Variants in RTL4 observed in about 807,000 individuals in gnomAD.
The protein encoded by RTL4 is retrotransposon Gag-like protein 4.
Under a neutral mutation model 5.3 loss-of-function variants are expected in RTL4, and 4 were observed. That is an observed-to-expected ratio of 0.75 (90% CI 0.37 to 1.72). The LOEUF is 1.72. Ranked by LOEUF, RTL4 falls within the 40% of genes most tolerant of loss-of-function variation. The pLI is 0.04. For missense variants in RTL4, 260 were observed against 227.1 expected, an observed-to-expected ratio of 1.14 and a Z score of -0.93; for synonymous variants, 98 against 87.3, an observed-to-expected ratio of 1.12 and a Z score of -0.68.
the RTL4 span, among the ~76,000 whole-genome samples, chrX:112,153,384 G>T: frequency 5.3e-5 from 6 of 112,150 alleles, no homozygotes; most frequent in African/African-American, 1.9e-4. Context: ...ACTTTTAGCT[G>T]CCCAGAGTGA....
the RTL4 span, among the ~76,000 whole-genome samples, chrX:112,433,922 A>C: frequency 1.2e-5 from 1 of 83,691 alleles, no homozygotes; most frequent in African/African-American, 5.0e-5. Flanking sequence ...TGCCTAATTT[A>C]TTGAGAGTTT....
At chrX:112,331,530 AG>A in the RTL4 span, among the ~76,000 whole-genome samples, 1 of 104,730 alleles carries the variant, frequency 9.5e-6, no homozygotes, top group Non-Finnish European at 2.0e-5. Context: ...GAGGATGTGG[AG>A]AAATAGGAAC....
the RTL4 span, among the ~76,000 whole-genome samples, chrX:112,360,132 C>T: frequency 9.0e-6 from 1 of 111,440 alleles, no homozygotes. Flanking sequence ...TTTTAGATTT[C>T]CCATCACTTA....
chrX:112,421,316 C>A, the RTL4 span, among the ~76,000 whole-genome samples: 1 of 111,433 alleles, frequency 9.0e-6, no homozygotes, highest in African/African-American at 3.3e-5. Flanking sequence ...ATAATTTGTA[C>A]AAATGTAAGG....
the RTL4 span, among the ~76,000 whole-genome samples, chrX:112,304,516 A>C: frequency 1.8e-5 from 2 of 110,995 alleles, no homozygotes; most frequent in Admixed American, 9.6e-5. Flanking sequence ...CCCTGGTCAA[A>C]GAAATTTCCG....
the RTL4 span, among the ~76,000 whole-genome samples, chrX:112,360,517 C>A: frequency 9.0e-6 from 1 of 110,933 alleles, no homozygotes; most frequent in African/African-American, 3.3e-5. Context: ...CCTAAGAATT[C>A]TTTCAGAACA....
chrX:112,267,357 C>T, the RTL4 span, among the ~76,000 whole-genome samples: 3 of 111,946 alleles, frequency 2.7e-5, no homozygotes, highest in African/African-American at 9.7e-5. Context: ...AAACAATGAA[C>T]ACAATCAACA....
the RTL4 span, among the ~76,000 whole-genome samples, chrX:112,145,609 T>C: frequency 8.9e-6 from 1 of 111,892 alleles, no homozygotes; most frequent in Non-Finnish European, 1.9e-5. Flanking sequence ...ATTCTATTGG[T>C]TAGTGTGTGA....
At chrX:112,222,651 T>C in the RTL4 span, among the ~76,000 whole-genome samples, 1 of 110,580 alleles carries the variant, frequency 9.0e-6, no homozygotes, top group Non-Finnish European at 1.9e-5. Context: ...GAGGATCACT[T>C]GGGCCCAGGG....
At chrX:112,454,451 C>A, upstream of RTL4, 1 of 268,256 alleles carries the variant, frequency 3.7e-6, no homozygotes, top group Non-Finnish European at 6.6e-6. Context: ...TCTTCTTAAT[C>A]CCAAGTCCTT....
At chrX:112,399,878 T>G in the RTL4 span, among the ~76,000 whole-genome samples, 1 of 111,718 alleles carries the variant, frequency 9.0e-6, no homozygotes, top group East Asian at 2.8e-4. Flanking sequence ...GGTAAAGTGT[T>G]GTAGTTTGAC....
the RTL4 span, among the ~76,000 whole-genome samples, chrX:112,160,817 G>A: frequency 9.1e-6 from 1 of 109,995 alleles, no homozygotes; most frequent in Non-Finnish European, 1.9e-5. Flanking sequence ...GAGAGTGTGA[G>A]AGAGTTGAAG....
the RTL4 span, among the ~76,000 whole-genome samples, chrX:112,242,611 T>A: frequency 9.0e-6 from 1 of 111,403 alleles, no homozygotes; most frequent in African/African-American, 3.3e-5. Context: ...GATCATGGAG[T>A]TTTCTAAATA....
At chrX:112,415,446 C>A in the RTL4 span, among the ~76,000 whole-genome samples, 1 of 110,784 alleles carries the variant, frequency 9.0e-6, no homozygotes, top group Non-Finnish European at 1.9e-5. Flanking sequence ...TTTATTTATT[C>A]ATTTTACTGT....
chrX:112,235,456 C>A, the RTL4 span, among the ~76,000 whole-genome samples: 1 of 111,426 alleles, frequency 9.0e-6, no homozygotes, highest in East Asian at 2.8e-4. Context: ...CAAAGCAATC[C>A]CCATAATTGG....
the RTL4 span, among the ~76,000 whole-genome samples, chrX:112,330,366 A>G: frequency 2.4e-5 from 2 of 82,597 alleles, no homozygotes; most frequent in Non-Finnish European, 4.2e-5. Context: ...TACACCAACA[A>G]CAGACAGAGA....
At chrX:112,311,562 T>G in the RTL4 span, among the ~76,000 whole-genome samples, 7 of 110,609 alleles carry the variant, frequency 6.3e-5, no homozygotes, top group African/African-American at 1.6e-4. Flanking sequence ...CACTGAGACT[T>G]TTTCCCTCCC....
chrX:112,422,435 A>G, the RTL4 span, among the ~76,000 whole-genome samples: 2 of 111,073 alleles, frequency 1.8e-5, no homozygotes, highest in Non-Finnish European at 3.8e-5. Context: ...AAGCTGAGAG[A>G]TAGCTGGCAT....
At chrX:112,192,824 C>T in the RTL4 span, among the ~76,000 whole-genome samples, 3 of 111,526 alleles carry the variant, frequency 2.7e-5, no homozygotes, top group Non-Finnish European at 5.7e-5. Flanking sequence ...TTTGTATTTA[C>T]CTATGTATTT....
Sources: gnomAD v4.1 joint callset for allele counts (sites outside exome capture counted in the v4.1 genomes callset) on GRCh38, gnomAD v4.1.1 for gene constraint, MANE v1.5 for transcripts, NCBI Gene and HGNC (gene_info 2026-07-23, HGNC 2026-07-21) for gene names.